TRMT11: variants seen among roughly 807,000 people sequenced by gnomAD.
The protein encoded by TRMT11 is tRNA (guanine(10)-N(2))-methyltransferase TRMT11.
In TRMT11, 53 loss-of-function variants were observed where a neutral mutation model predicts 62.8. The ratio of observed to expected loss-of-function variants is 0.84; its 90% confidence interval spans 0.68 to 1.06. The LOEUF (loss-of-function observed/expected upper bound fraction) is 1.06. Among genes scored for constraint, TRMT11 ranks in the 50% least tolerant of loss-of-function variants. TRMT11 has a pLI of 0.00. For synonymous variants in TRMT11, 188 were observed against 190.3 expected, an observed-to-expected ratio of 0.99 and a Z score of 0.10; for missense variants, 556 against 553.4, an observed-to-expected ratio of 1.00 and a Z score of -0.05.
chr6:126,244,113 G>T, the TRMT11 span, among the ~76,000 whole-genome samples: 1 of 151,782 alleles, frequency 6.6e-6, no homozygotes, highest in South Asian at 2.1e-4. Flanking sequence ...TCATTCATCT[G>T]AGTGATGGGT....
At chr6:126,086,773 C>T (rs921242583) in intron 17 of TRMT11, among the ~76,000 whole-genome samples, 6 of 152,216 alleles carry the variant, frequency 3.9e-5, no homozygotes, top group South Asian at 2.1e-4. Flanking sequence ...CATTACATCA[C>T]GTGACTTTAA....
intron 17 of TRMT11, among the ~76,000 whole-genome samples, chr6:126,088,793 T>C (rs893961007): frequency 1.3e-5 from 2 of 152,176 alleles, no homozygotes; most frequent in African/African-American, 4.8e-5. Context: ...GGGGGTTTGG[T>C]GAGAACAGAC....
At chr6:126,266,571 C>T in the TRMT11 span, among the ~76,000 whole-genome samples, 1 of 152,140 alleles carries the variant, frequency 6.6e-6, no homozygotes, top group South Asian at 2.1e-4. Context: ...TGGGACTGCC[C>T]TTTGCATTGG....
At chr6:126,183,914 G>C (rs1778497877) in intron 1 of TRMT11, among the ~76,000 whole-genome samples, 1 of 152,158 alleles carries the variant, frequency 6.6e-6, no homozygotes, top group African/African-American at 2.4e-5. Flanking sequence ...CGCAGCTCTA[G>C]CTGTATGTTG....
chr6:126,159,709 A>G (rs1352423104), intron 21 of TRMT11, among the ~76,000 whole-genome samples: 1 of 152,144 alleles, frequency 6.6e-6, no homozygotes, highest in Non-Finnish European at 1.5e-5. Context: ...CAGAAATCCA[A>G]AATCAAGGAC....
chr6:126,222,544 C>T, the TRMT11 span, among the ~76,000 whole-genome samples: 373 of 151,872 alleles, frequency 2.5e-3, 1 homozygote, highest in African/African-American at 7.8e-3. Flanking sequence ...TTCACCTTCT[C>T]GGTTAGCTGC....
At chr6:126,161,879 G>A (rs1398317162) in intron 21 of TRMT11, among the ~76,000 whole-genome samples, 1 of 152,034 alleles carries the variant, frequency 6.6e-6, no homozygotes, top group Non-Finnish European at 1.5e-5. Flanking sequence ...CTGCATAAAT[G>A]TCTTCTTTTG....
the TRMT11 span, chr6:126,258,299 C>T: frequency 2.2e-6 from 1 of 456,734 alleles, no homozygotes; most frequent in Non-Finnish European, 4.3e-6. Flanking sequence ...TGGTCCTGAG[C>T]CACCACTGCC....
At chr6:126,145,529 C>T (rs1777964429) in intron 21 of TRMT11, among the ~76,000 whole-genome samples, 1 of 152,114 alleles carries the variant, frequency 6.6e-6, no homozygotes, top group African/African-American at 2.4e-5. Context: ...TTATCCTTGT[C>T]ATAGCCCTGG....
chr6:126,120,062 T>A (rs1351053066), intron 21 of TRMT11, among the ~76,000 whole-genome samples: 1 of 151,874 alleles, frequency 6.6e-6, no homozygotes, highest in African/African-American at 2.4e-5. Context: ...TCATCTGAGG[T>A]CAGGAGTTCG....
chr6:126,062,892 A>G (rs945791738), intron 17 of TRMT11, among the ~76,000 whole-genome samples: 6 of 152,192 alleles, frequency 3.9e-5, no homozygotes, highest in African/African-American at 1.2e-4. Context: ...TATAGCTCCT[A>G]TCCTATTTTC....
intron 21 of TRMT11, among the ~76,000 whole-genome samples, chr6:126,170,788 G>T (rs1176162149): frequency 6.6e-6 from 1 of 152,112 alleles, no homozygotes; most frequent in Non-Finnish European, 1.5e-5. Context: ...GAAAATAAGG[G>T]AAAACCTATT....
intron 17 of TRMT11, among the ~76,000 whole-genome samples, chr6:126,075,901 G>A (rs1777008058): frequency 6.6e-6 from 1 of 152,188 alleles, no homozygotes; most frequent in African/African-American, 2.4e-5. Flanking sequence ...CCTTAGCCCA[G>A]AAGTGACATG....
chr6:126,051,396 C>T (rs1004396765), intron 16 of TRMT11, among the ~76,000 whole-genome samples: 2 of 152,144 alleles, frequency 1.3e-5, no homozygotes, highest in African/African-American at 4.8e-5. Flanking sequence ...AATATAAAGT[C>T]AGAGAGTAAG....
At chr6:126,166,763 T>C (rs962555598) in intron 21 of TRMT11, among the ~76,000 whole-genome samples, 1 of 152,180 alleles carries the variant, frequency 6.6e-6, no homozygotes, top group Non-Finnish European at 1.5e-5. Context: ...GTTTTATCTA[T>C]AAGCCCCTGA....
intron 17 of TRMT11, among the ~76,000 whole-genome samples, chr6:126,091,275 A>G (rs1036244300): frequency 2.0e-5 from 3 of 152,142 alleles, no homozygotes; most frequent in Admixed American, 6.5e-5. Context: ...ACGTTACTTC[A>G]TAAGTAGTGA....
intron 21 of TRMT11, among the ~76,000 whole-genome samples, chr6:126,141,695 C>A (rs1375538441): frequency 6.6e-6 from 1 of 152,102 alleles, no homozygotes; most frequent in Non-Finnish European, 1.5e-5. Context: ...GGTGTATATT[C>A]AGTATCAGCT....
downstream of TRMT11, among the ~76,000 whole-genome samples, chr6:126,206,532 C>T (rs1778793661): frequency 6.6e-6 from 1 of 152,206 alleles, no homozygotes; most frequent in South Asian, 2.1e-4. Flanking sequence ...TATCTTTCAG[C>T]CTTGCAATAC....
intron 17 of TRMT11, among the ~76,000 whole-genome samples, chr6:126,102,154 G>A (rs1777408579): frequency 1.3e-5 from 2 of 152,176 alleles, no homozygotes; most frequent in South Asian, 4.1e-4. Flanking sequence ...GCTGATCATG[G>A]CAATCAGTTA....
Sources: allele counts gnomAD v4.1 joint callset (sites outside exome capture counted in the v4.1 genomes callset), GRCh38; gene constraint gnomAD v4.1.1; transcripts MANE v1.5; gene names NCBI Gene and HGNC (gene_info 2026-07-23, HGNC 2026-07-21).